The following RAP1A variants were observed in gnomAD, a reference collection of about 807,000 sequenced individuals.
RAP1A encodes the protein RAP1A, member of RAS oncogene family.
In RAP1A, 6 loss-of-function variants were observed where a neutral mutation model predicts 26.4. The observed-to-expected ratio is 0.23, with a 90% confidence interval of 0.12 to 0.45. The LOEUF is 0.45. Ranked by LOEUF, RAP1A falls within the 20% of genes least tolerant of loss-of-function variation. The pLI, the probability that RAP1A is intolerant of heterozygous loss-of-function variation, is 0.99. For missense variants in RAP1A, 121 were observed against 217.2 expected, an observed-to-expected ratio of 0.56 and a Z score of 2.78; for synonymous variants, 73 against 79.4, an observed-to-expected ratio of 0.92 and a Z score of 0.43.
At chr1:111,645,803 A>G (rs1192692884) in intron 1 of RAP1A, among the ~76,000 whole-genome samples, 2 of 152,222 alleles carry the variant, frequency 1.3e-5, no homozygotes, top group Non-Finnish European at 2.9e-5. Flanking sequence ...TAAACCCAGG[A>G]AGCTAGATTC....
intron 6 of RAP1A, among the ~76,000 whole-genome samples, chr1:111,706,046 A>G (rs115474526): frequency 3.5e-3 from 533 of 152,340 alleles, no homozygotes; most frequent in African/African-American, 0.01. Flanking sequence ...TTAGTTTCCA[A>G]TGCAGCAGAG....
intron 1 of RAP1A, among the ~76,000 whole-genome samples, chr1:111,651,495 T>TTTG (rs1410927582): frequency 6.8e-6 from 1 of 146,448 alleles, no homozygotes; most frequent in Non-Finnish European, 1.5e-5. Context: ...TTTTTTTTTT[T>TTTG]AGACAGAGTC....
At chr1:111,546,968 A>G (rs1657056618) in intron 1 of RAP1A, among the ~76,000 whole-genome samples, 1 of 152,160 alleles carries the variant, frequency 6.6e-6, no homozygotes, top group African/African-American at 2.4e-5. Context: ...GTTTTTAATA[A>G]TAGCCATCCT....
intron 1 of RAP1A, among the ~76,000 whole-genome samples, chr1:111,564,322 C>T (rs562858569): frequency 1.2e-4 from 18 of 152,196 alleles, no homozygotes; most frequent in African/African-American, 3.6e-4. Flanking sequence ...AAATATTTAT[C>T]AAGCACCTGT....
At chr1:111,595,755 C>T (rs1304391515) in intron 1 of RAP1A, among the ~76,000 whole-genome samples, 1 of 151,996 alleles carries the variant, frequency 6.6e-6, no homozygotes, top group Non-Finnish European at 1.5e-5. Context: ...CATCATTTGC[C>T]AAATAGCTCA....
chr1:111,632,493 T>C (rs1215930216), intron 1 of RAP1A, among the ~76,000 whole-genome samples: 3 of 151,984 alleles, frequency 2.0e-5, no homozygotes, highest in Non-Finnish European at 4.4e-5. Context: ...GAATAACACA[T>C]GGAAGTTGAC....
intron 1 of RAP1A, among the ~76,000 whole-genome samples, chr1:111,578,644 A>G (rs1005882598): frequency 2.0e-5 from 3 of 152,180 alleles, no homozygotes; most frequent in Non-Finnish European, 4.4e-5. Flanking sequence ...TTTACTCAAT[A>G]CAGAACACTT....
intron 6 of RAP1A, 120 bp from the exon 7 acceptor site, chr1:111,709,029 C>G (rs947212048): frequency 3.8e-6 from 5 of 1,312,398 alleles, no homozygotes; most frequent in Non-Finnish European, 5.0e-6. Flanking sequence ...ACAAACCTGA[C>G]TTTAAAAGAA....
chr1:111,580,257 T>A (rs185955880), intron 1 of RAP1A, among the ~76,000 whole-genome samples: 3 of 152,182 alleles, frequency 2.0e-5, no homozygotes, highest in African/African-American at 7.2e-5. Flanking sequence ...AAGGAGAACA[T>A]CTTTACAAAA....
At chr1:111,626,551 C>A (rs1048777909) in intron 1 of RAP1A, among the ~76,000 whole-genome samples, 1 of 152,092 alleles carries the variant, frequency 6.6e-6, no homozygotes, top group African/African-American at 2.4e-5. Context: ...CCACTAAAGT[C>A]AAGTATCTGC....
chr1:111,626,402 T>TGC (rs778355272), intron 1 of RAP1A, among the ~76,000 whole-genome samples: 6 of 140,660 alleles, frequency 4.3e-5, no homozygotes, highest in East Asian at 2.0e-4. Flanking sequence ...CACACACACA[T>TGC]ATGCATGTAT....
chr1:111,557,994 G>GA (rs1243746296), intron 1 of RAP1A, among the ~76,000 whole-genome samples: 1 of 151,846 alleles, frequency 6.6e-6, no homozygotes, highest in Non-Finnish European at 1.5e-5. Flanking sequence ...TATTAAAGGG[G>GA]AAAAAATTGA....
chr1:111,697,026 C>T (rs1661853417), intron 3 of RAP1A, among the ~76,000 whole-genome samples: 1 of 152,110 alleles, frequency 6.6e-6, no homozygotes, highest in South Asian at 2.1e-4. Context: ...TTCTTTACCC[C>T]AAAATGTTGT....
intron 1 of RAP1A, among the ~76,000 whole-genome samples, chr1:111,601,924 T>C (rs990538238): frequency 6.6e-6 from 1 of 152,186 alleles, no homozygotes; most frequent in Non-Finnish European, 1.5e-5. Flanking sequence ...CAAAGGTCCA[T>C]CTAGTTTAAG....
intron 1 of RAP1A, among the ~76,000 whole-genome samples, chr1:111,621,682 A>T (rs1388529186): frequency 6.6e-6 from 1 of 152,200 alleles, no homozygotes; most frequent in Non-Finnish European, 1.5e-5. Flanking sequence ...TAGGCCACTG[A>T]CACCTTTGAG....
chr1:111,670,456 A>C (rs1446376158), intron 1 of RAP1A, among the ~76,000 whole-genome samples: 1 of 150,748 alleles, frequency 6.6e-6, no homozygotes, highest in Non-Finnish European at 1.5e-5. Flanking sequence ...CCTGGGTGAC[A>C]GAGTTGAGAC....
intron 1 of RAP1A, among the ~76,000 whole-genome samples, chr1:111,604,015 T>C (rs72983184): frequency 0.014 from 2,125 of 152,324 alleles, 46 homozygotes; most frequent in African/African-American, 0.049. Flanking sequence ...CAAAGATCAT[T>C]TACAATGTGC....
At chr1:111,552,974 C>A (rs965083077) in intron 1 of RAP1A, among the ~76,000 whole-genome samples, 3 of 152,200 alleles carry the variant, frequency 2.0e-5, no homozygotes, top group African/African-American at 7.2e-5. Flanking sequence ...ATCTCTAGGA[C>A]TATTACAATG....
chr1:111,680,371 A>G (rs1386345773), intron 1 of RAP1A, among the ~76,000 whole-genome samples: 1 of 152,034 alleles, frequency 6.6e-6, no homozygotes, highest in Non-Finnish European at 1.5e-5. Context: ...TGATTGGTCC[A>G]TTTTACAGAA....
Sources: gnomAD v4.1 joint callset for allele counts (sites outside exome capture counted in the v4.1 genomes callset) on GRCh38, gnomAD v4.1.1 for gene constraint, MANE v1.5 for transcripts, NCBI Gene and HGNC (gene_info 2026-07-23, HGNC 2026-07-21) for gene names.